GPC5: variants seen among roughly 807,000 people sequenced by gnomAD.
The protein encoded by GPC5 is glypican 5.
In GPC5, 47 loss-of-function variants were observed where a neutral mutation model predicts 53.9. The ratio of observed to expected loss-of-function variants is 0.87; its 90% confidence interval spans 0.69 to 1.11. GPC5 has a LOEUF of 1.11. Ranked by LOEUF, GPC5 falls within the 50% of genes most tolerant of loss-of-function variation. GPC5 has a pLI of 0.00. For missense variants in GPC5, 748 were observed against 713.1 expected (o/e 1.05, Z -0.56); for synonymous variants, 286 against 263.3 (o/e 1.09, Z -0.84).
intron 7 of GPC5, among the ~76,000 whole-genome samples, chr13:92,827,289 C>T (rs762867949): frequency 1.8e-4 from 27 of 152,014 alleles, no homozygotes; most frequent in Admixed American, 1.1e-3. Context: ...TTTTGAAAGA[C>T]GATTTTTTTA....
At chr13:92,346,013 G>C (rs747311934) in intron 7 of GPC5, among the ~76,000 whole-genome samples, 18 of 152,230 alleles carry the variant, frequency 1.2e-4, no homozygotes, top group Middle Eastern at 6.8e-3. Context: ...TGAGTCTCTA[G>C]ATAGCTAATC....
chr13:92,205,505 A>G (rs890664147), intron 7 of GPC5, among the ~76,000 whole-genome samples: 1 of 152,056 alleles, frequency 6.6e-6, no homozygotes, highest in Non-Finnish European at 1.5e-5. Flanking sequence ...TCCAACTCCA[A>G]GGGTTTCATT....
intron 6 of GPC5, among the ~76,000 whole-genome samples, chr13:92,032,270 A>G (rs1285805419): frequency 6.6e-6 from 1 of 150,952 alleles, no homozygotes; most frequent in East Asian, 2.0e-4. Context: ...GATACAATGT[A>G]CTTTGGGGAC....
At chr13:91,677,318 C>T (rs889876473) in intron 2 of GPC5, among the ~76,000 whole-genome samples, 3 of 152,100 alleles carry the variant, frequency 2.0e-5, no homozygotes, top group African/African-American at 4.8e-5. Context: ...GACTGCAGCT[C>T]CACACAGAAA....
At chr13:92,144,352 A>G (rs761240620) in intron 6 of GPC5, among the ~76,000 whole-genome samples, 25 of 152,186 alleles carry the variant, frequency 1.6e-4, no homozygotes, top group Non-Finnish European at 2.9e-4. Flanking sequence ...ATGAAACTAT[A>G]AATGTATATG....
chr13:91,996,812 T>G (rs974574318), intron 6 of GPC5, among the ~76,000 whole-genome samples: 7 of 152,212 alleles, frequency 4.6e-5, no homozygotes, highest in Non-Finnish European at 8.8e-5. Flanking sequence ...CTCCTTTCAT[T>G]GAACATTATG....
At chr13:92,815,302 T>C (rs1344898583) in intron 7 of GPC5, among the ~76,000 whole-genome samples, 1 of 151,958 alleles carries the variant, frequency 6.6e-6, no homozygotes, top group Non-Finnish European at 1.5e-5. Context: ...TTAGCAGAGA[T>C]AACCAATGAA....
chr13:91,485,510 G>A (rs1320065348), intron 2 of GPC5, among the ~76,000 whole-genome samples: 4 of 152,128 alleles, frequency 2.6e-5, no homozygotes, highest in Admixed American at 2.6e-4. Context: ...GAGCCACTGC[G>A]CCCGGCCGGC....
At chr13:92,142,785 AG>A (rs2041840891) in intron 6 of GPC5, among the ~76,000 whole-genome samples, 1 of 152,190 alleles carries the variant, frequency 6.6e-6, no homozygotes, top group Non-Finnish European at 1.5e-5. Context: ...AATAATTCTT[AG>A]GGAAGTAAAG....
At chr13:91,406,200 GAAT>G (rs1877312922) in intron 1 of GPC5, among the ~76,000 whole-genome samples, 1 of 152,204 alleles carries the variant, frequency 6.6e-6, no homozygotes, top group East Asian at 1.9e-4. Flanking sequence ...GCTTGGCAGA[GAAT>G]AAGAGTTTAA....
intron 2 of GPC5, among the ~76,000 whole-genome samples, chr13:91,662,821 A>C (rs1594396564): frequency 6.6e-6 from 1 of 152,156 alleles, no homozygotes; most frequent in Non-Finnish European, 1.5e-5. Flanking sequence ...CACTCTCTCC[A>C]AAACATATAC....
At chr13:91,484,656 G>T (rs898134587) in intron 2 of GPC5, among the ~76,000 whole-genome samples, 2 of 152,108 alleles carry the variant, frequency 1.3e-5, no homozygotes, top group African/African-American at 2.4e-5. Context: ...AGAGACTGTG[G>T]CAAAGAAGTG....
intron 7 of GPC5, among the ~76,000 whole-genome samples, chr13:92,503,866 G>T (rs1022055417): frequency 6.6e-6 from 1 of 151,810 alleles, no homozygotes; most frequent in African/African-American, 2.4e-5. Flanking sequence ...TTTGTAGTTA[G>T]TCTTTTTCTG....
chr13:92,291,386 C>G (rs534857432), intron 7 of GPC5, among the ~76,000 whole-genome samples: 32 of 152,304 alleles, frequency 2.1e-4, no homozygotes, highest in Non-Finnish European at 3.1e-4. Flanking sequence ...CTGTATCTAG[C>G]TCAAGATTTG....
chr13:92,095,025 T>A (rs546651016), intron 6 of GPC5, among the ~76,000 whole-genome samples: 1 of 152,266 alleles, frequency 6.6e-6, no homozygotes, highest in African/African-American at 2.4e-5. Flanking sequence ...ATATTCTGAA[T>A]TCAATCAAAG....
intron 1 of GPC5, among the ~76,000 whole-genome samples, chr13:91,401,296 A>C (rs560184782): frequency 2.2e-5 from 3 of 134,488 alleles, no homozygotes; most frequent in South Asian, 2.2e-4. Flanking sequence ...TCATCTCTCT[A>C]AAAAAAAAAA....
At chr13:92,411,671 G>T (rs1456445385) in intron 7 of GPC5, among the ~76,000 whole-genome samples, 2 of 152,110 alleles carry the variant, frequency 1.3e-5, no homozygotes, top group Non-Finnish European at 2.9e-5. Flanking sequence ...TTTTTCTAAG[G>T]TTAATGTTTT....
intron 7 of GPC5, among the ~76,000 whole-genome samples, chr13:92,213,876 T>G (rs561948545): frequency 4.1e-4 from 63 of 152,316 alleles, no homozygotes; most frequent in African/African-American, 1.1e-3. Context: ...ATTGTAAGAT[T>G]CTTATATAGG....
At chr13:92,608,932 T>G (rs1285771113) in intron 7 of GPC5, among the ~76,000 whole-genome samples, 1 of 152,232 alleles carries the variant, frequency 6.6e-6, no homozygotes, top group African/African-American at 2.4e-5. Flanking sequence ...AATTTGCTTC[T>G]GAATTCTCTT....
Sources: gnomAD v4.1 joint callset for allele counts (sites outside exome capture counted in the v4.1 genomes callset) on GRCh38, gnomAD v4.1.1 for gene constraint, MANE v1.5 for transcripts, NCBI Gene and HGNC (gene_info 2026-07-23, HGNC 2026-07-21) for gene names.